Variants in SLC35B4 observed in about 807,000 individuals in gnomAD.
SLC35B4 encodes the protein solute carrier family 35 member B4, also known as nucleotide sugar transporter SLC35B4.
SLC35B4 carries 28 observed loss-of-function variants against 39.5 expected under a neutral mutation model. That is an observed-to-expected ratio of 0.71 (90% CI 0.53 to 0.97). The LOEUF (loss-of-function observed/expected upper bound fraction) is 0.97. SLC35B4 is among the 50% of genes least tolerant of loss of function. The probability of loss-of-function intolerance (pLI) is 0.00; values close to 1 mark genes in which losing one functional copy is unlikely to be tolerated. For missense variants in SLC35B4, 334 were observed against 414.3 expected (o/e 0.81, Z 1.68); for synonymous variants, 145 against 150.4 (o/e 0.96, Z 0.26).
intron 7 of SLC35B4, 98 bp from the exon 8 acceptor site, chr7:134,299,696 C>A: frequency 9.6e-7 from 1 of 1,040,464 alleles, no homozygotes; most frequent in South Asian, 1.5e-5. Flanking sequence ...GGTTGTTTGA[C>A]AGCAATACAA....
intron 8 of SLC35B4, among the ~76,000 whole-genome samples, chr7:134,299,147 T>C (rs1021090396): frequency 6.6e-6 from 1 of 152,256 alleles, no homozygotes; most frequent in Non-Finnish European, 1.5e-5. Flanking sequence ...CTGCCTTTCA[T>C]GGCAGAGAAG....
intron 1 of SLC35B4, among the ~76,000 whole-genome samples, chr7:134,314,431 C>T (rs1028952705): frequency 1.3e-5 from 2 of 152,350 alleles, no homozygotes; most frequent in South Asian, 4.1e-4. Context: ...TCATGTCATA[C>T]AGCCTTTGGC....
In SLC35B4 at chr7:134,294,609, AAT is replaced by A. The variant is rs1172671938; in HGVS notation, c.*222_*223del. On this transcript the variant is annotated 3_prime_UTR_variant, in exon 10 of 10. Coordinates refer to ENST00000378509, the MANE Select transcript of SLC35B4 (RefSeq NM_032826.5). ...ACAGAAATAAATGAATGGGCTGTTC[AAT>A]AGTCCAGAACTGTTCTTTTTTCTAT... is the stretch of plus-strand genomic sequence containing the variant. The A allele has an allele frequency of 6.1e-6, 3 of 493,642 alleles. No homozygotes were observed. The highest frequency in any genetic ancestry group is 5.7e-5 in the African/African-American group (3 of 52,330). The allele number at this position is 493,642 out of a possible 1,614,324, so 30.6% of individuals were successfully genotyped here.
rs771276712 is a variant in SLC35B4, at chr7:134,309,334, C to T, written c.191+32G>A. ...CACCTCTTTACTTTCTTAAAAAATC[C>T]AAAAGCTAAAAGAGACTCTAATGTA... On this transcript the variant is annotated intron_variant, in intron 2 of 9. Transcript: ENST00000378509. 9 of 1,426,118 alleles carry T rather than the reference C, an allele frequency of 6.3e-6. No individual in the cohort carries two copies. The South Asian group carries it at 1.1e-4, about 17-fold the overall frequency. The allele number at this position is 1,426,118 out of a possible 1,614,324, so 88.3% of individuals were successfully genotyped here.
intron 8 of SLC35B4, among the ~76,000 whole-genome samples, chr7:134,297,487 T>C (rs1470453439): frequency 1.3e-5 from 2 of 152,244 alleles, no homozygotes; most frequent in Admixed American, 1.3e-4. Context: ...GATGGTGCAA[T>C]GGCTACATAA....
At chr7:134,307,672 T>C (rs1803740068) in intron 2 of SLC35B4, among the ~76,000 whole-genome samples, 1 of 152,166 alleles carries the variant, frequency 6.6e-6, no homozygotes, top group South Asian at 2.1e-4. Context: ...ATCTTGGAGA[T>C]TCCCAACCAT....
At chr7:134,316,348 G>A (rs1803976189) in intron 1 of SLC35B4, among the ~76,000 whole-genome samples, 1 of 152,198 alleles carries the variant, frequency 6.6e-6, no homozygotes, top group Non-Finnish European at 1.5e-5. Context: ...CCTTGGACTG[G>A]TCATGTGAAA....
chr7:134,309,837 C>A (rs1803794208), intron 1 of SLC35B4, among the ~76,000 whole-genome samples: 2 of 152,172 alleles, frequency 1.3e-5, no homozygotes, highest in Admixed American at 6.5e-5. Context: ...TAATCAGGAT[C>A]CCAGTCAGCT....
chr7:134,300,131 C>G, intron 7 of SLC35B4, 21 bp downstream of exon 7: 1 of 1,507,648 alleles, frequency 6.6e-7, no homozygotes. Flanking sequence ...TTCACGTTCC[C>G]AGGTTCAGGA....
chr7:134,305,358 A>T (rs1803682874), intron 3 of SLC35B4, among the ~76,000 whole-genome samples: 1 of 151,126 alleles, frequency 6.6e-6, no homozygotes, highest in Admixed American at 6.6e-5. Flanking sequence ...ATATTTAAAA[A>T]ACCTTTTAAA....
intron 6 of SLC35B4, among the ~76,000 whole-genome samples, chr7:134,301,206 G>A (rs1803572579): frequency 6.6e-6 from 1 of 152,154 alleles, no homozygotes; most frequent in Non-Finnish European, 1.5e-5. Context: ...CTTGGAACGA[G>A]TCTCAGCTCC....
At position 134,304,829 on chromosome 7, in the gene SLC35B4, A is replaced by G; in HGVS notation, c.320T>C (p.Leu107Pro). 1 of 1,612,572 alleles carries G rather than the reference A, an allele frequency of 6.2e-7. No individual in the cohort carries two copies. Among genetic ancestry groups the G allele is most frequent in the Non-Finnish European group, 8.5e-7 (1 of 1,178,578 alleles). ...RSGSLIANMI[L>P]GIIILKKRYS... Reference sequence around the variant, plus strand: ...CCTTTTCTTCAAAATGATAATTCCTAGAATCATGTTGGCAATTAGAGAACC... The same window carrying G: ...CCTTTTCTTCAAAATGATAATTCCTGGAATCATGTTGGCAATTAGAGAACC... The change falls in exon 4 of 10, where the codon CTA becomes CCA. Residue 107 changes from leucine (L) to proline (P), a missense_variant. By Grantham distance (98) the Leu-to-Pro change is moderately conservative (BLOSUM62 -3). Coordinates refer to ENST00000378509, the MANE Select transcript of SLC35B4 (RefSeq NM_032826.5).
rs1803430633 is a variant in SLC35B4 at position 134,295,073 on chromosome 7, C to T, written c.756G>A (p.Val252=). The change falls in exon 10 of 10, where the codon GTG becomes GTA. Residue 252 remains valine (V), a synonymous_variant. Coordinates refer to ENST00000378509, the MANE Select transcript of SLC35B4 (RefSeq NM_032826.5). ...YLLMNIITQY[V]CIRGVFILTT... is the part of the protein sequence containing the mutation. ...TGAGGATAAACACACCCCGGATGCACACGTACCTGGAGGAGTGGAGTCAAG... is the reference window on the plus strand; with the variant it reads ...TGAGGATAAACACACCCCGGATGCATACGTACCTGGAGGAGTGGAGTCAAG... 12 of 1,613,894 alleles carry T rather than the reference C, an allele frequency of 7.4e-6. No individual in the cohort carries two copies. The highest frequency in any genetic ancestry group is 1.1e-5 in the South Asian group (1 of 91,044).
chr7:134,317,876 G>C (rs1423769543), upstream of SLC35B4, among the ~76,000 whole-genome samples: 1 of 149,734 alleles, frequency 6.7e-6, no homozygotes, highest in African/African-American at 2.6e-5. Context: ...AGGGAAACGT[G>C]TTTACACTTC....
chr7:134,313,785 T>C (rs1007243789), intron 1 of SLC35B4, among the ~76,000 whole-genome samples: 1 of 152,228 alleles, frequency 6.6e-6, no homozygotes, highest in African/African-American at 2.4e-5. Context: ...TCCTAGGCTA[T>C]AAAAATTTAT....
At chr7:134,301,438 CA>C (rs1803577619) in intron 6 of SLC35B4, among the ~76,000 whole-genome samples, 1 of 152,210 alleles carries the variant, frequency 6.6e-6, no homozygotes, top group African/African-American at 2.4e-5. Context: ...GCAGAAGCTT[CA>C]ACTTGGCAGA....
At chr7:134,298,481 T>G (rs1803514707) in intron 8 of SLC35B4, among the ~76,000 whole-genome samples, 1 of 152,228 alleles carries the variant, frequency 6.6e-6, no homozygotes, top group South Asian at 2.1e-4. Flanking sequence ...AAACATTTTA[T>G]CATAAATACC....
Position 134,293,218 on chromosome 7 carries a change from A to G in SLC35B4, c.*1615T>C, listed in dbSNP as rs1209177922. Reference sequence around the variant, plus strand: ...GGCCGGTGAGTTCAGCTGCTTACAGAGGAGCATGTACTGGTATGTAAGGTT... The same window carrying G: ...GGCCGGTGAGTTCAGCTGCTTACAGGGGAGCATGTACTGGTATGTAAGGTT... On this transcript the variant is annotated 3_prime_UTR_variant, in exon 10 of 10. Coordinates refer to ENST00000378509, the MANE Select transcript of SLC35B4 (RefSeq NM_032826.5). 1.3e-5 allele frequency: 2 copies of G among 152,254 alleles called. No homozygotes were observed. The highest frequency in any genetic ancestry group is 4.8e-5 in the African/African-American group (2 of 41,416). 9.4% of individuals were successfully genotyped at this position (152,254 alleles called of 1,614,324 possible).
At chr7:134,315,208 G>T (rs1803945366) in intron 1 of SLC35B4, among the ~76,000 whole-genome samples, 1 of 152,194 alleles carries the variant, frequency 6.6e-6, no homozygotes, top group Non-Finnish European at 1.5e-5. Context: ...GATATCTTGG[G>T]TCCCATTTCT....
Sources: gnomAD v4.1 joint callset for allele counts (sites outside exome capture counted in the v4.1 genomes callset) on GRCh38, gnomAD v4.1.1 for gene constraint, MANE v1.5 for transcripts, NCBI Gene and HGNC (gene_info 2026-07-23, HGNC 2026-07-21) for gene names.